The following RERE variants were observed in gnomAD, a reference collection of about 807,000 sequenced individuals.
The protein encoded by RERE is arginine-glutamic acid dipeptide repeats protein.
In RERE, 40 loss-of-function variants were observed where a neutral mutation model predicts 146.1. The ratio of observed to expected loss-of-function variants is 0.27; its 90% CI spans 0.21 to 0.36. The LOEUF (loss-of-function observed/expected upper bound fraction) is 0.36. RERE is among the 10% of genes least tolerant of loss of function. RERE has a pLI of 1.00. For synonymous variants in RERE, 1,003 were observed against 866.0 expected (o/e 1.16, Z -2.78); for missense variants, 1,933 against 2,138.7 (o/e 0.90, Z 1.90).
intron 11 of RERE, among the ~76,000 whole-genome samples, chr1:8,441,635 C>T (rs72866066): frequency 0.026 from 3,993 of 152,226 alleles, 184 homozygotes; most frequent in African/African-American, 0.092. Context: ...TCATATCTGA[C>T]GACAAATTAT....
chr1:8,590,840 C>T (rs1315173559), intron 4 of RERE: 1 of 152,240 alleles, frequency 6.6e-6, no homozygotes, highest in African/African-American at 2.4e-5. Flanking sequence ...CACGCTGATT[C>T]ACAGCTGCTG....
rs57463625 is a variant in RERE, at chr1:8,575,561, A to ATTT, written c.523-18041_523-18039dup. 4.8e-4 allele frequency among the ~76,000 whole-genome samples: 47 copies of ATTT among 98,648 alleles called. 1 individual carries two copies. The highest frequency in any genetic ancestry group is 1.1e-3 in the South Asian group (3 of 2,850). The allele number at this position is 98,648 out of a possible 152,430, so 64.7% of individuals were successfully genotyped here. Reference sequence around the variant, plus strand: ...TATATATATATATATATATATATATATTTTTTTTTTTTTTGGCAGAGACAG... The same window carrying ATTT: ...TATATATATATATATATATATATATATTTTTTTTTTTTTTTTTGGCAGAGACAG... On this transcript the variant is annotated intron_variant, in intron 4 of 22. Transcript: ENST00000400908.
At chr1:8,604,622 GAGGAAGGAAGGA>G (rs1178725565) in intron 4 of RERE, among the ~76,000 whole-genome samples, 48 of 46,506 alleles carry the variant, frequency 1.0e-3, no homozygotes, top group African/African-American at 2.5e-3. Context: ...GGGAGGGAGG[GAGGAAGGAAGGA>G]AGGAAGGAAG....
At chr1:8,697,254 CAG>C (rs1188919533) in intron 1 of RERE, among the ~76,000 whole-genome samples, 3 of 152,114 alleles carry the variant, frequency 2.0e-5, no homozygotes, top group African/African-American at 7.2e-5. Flanking sequence ...AAGAAGGTAA[CAG>C]TAAGAAATAA....
chr1:8,596,161 A>G (rs1430138928), intron 4 of RERE, among the ~76,000 whole-genome samples: 1 of 152,228 alleles, frequency 6.6e-6, no homozygotes, highest in Admixed American at 6.5e-5. Flanking sequence ...AACTGAAAAA[A>G]CTATCTGGCC....
chr1:8,786,747 C>A, intron 1 of RERE: 6 of 778,700 alleles, frequency 7.7e-6, no homozygotes, highest in South Asian at 5.3e-5. Flanking sequence ...CAGTTCTGTA[C>A]ATCTGCCTAT....
chr1:8,651,691 C>A (rs1334551353), intron 2 of RERE, among the ~76,000 whole-genome samples: 49 of 149,450 alleles, frequency 3.3e-4, no homozygotes, highest in African/African-American at 1.2e-3. Context: ...ATACCACTGA[C>A]AGCCTGGATG....
intron 11 of RERE, among the ~76,000 whole-genome samples, chr1:8,436,945 C>T (rs946195469): frequency 6.6e-6 from 1 of 152,140 alleles, no homozygotes. Flanking sequence ...TAGAATAATC[C>T]TAACTTCTTT....
chr1:8,440,433 TACAA>T (rs1346865186), intron 11 of RERE, among the ~76,000 whole-genome samples: 1 of 148,382 alleles, frequency 6.7e-6, no homozygotes, highest in African/African-American at 2.5e-5. Context: ...CTACTAAAAA[TACAA>T]ACAATTAGCT....
intron 1 of RERE, among the ~76,000 whole-genome samples, chr1:8,692,648 C>T (rs1048254271): frequency 6.6e-6 from 1 of 152,062 alleles, no homozygotes; most frequent in Non-Finnish European, 1.5e-5. Flanking sequence ...CGTATTCGGC[C>T]CGGTATACTT....
chr1:8,467,487 A>G (rs2124132515), intron 10 of RERE, among the ~76,000 whole-genome samples: 1 of 152,334 alleles, frequency 6.6e-6, no homozygotes, highest in East Asian at 1.9e-4. Flanking sequence ...CCTTCCTGGC[A>G]ACTGCTGGAG....
chr1:8,384,757 T>A (rs1298903914), intron 12 of RERE, among the ~76,000 whole-genome samples: 1 of 152,218 alleles, frequency 6.6e-6, no homozygotes, highest in Non-Finnish European at 1.5e-5. Context: ...AGGCTACTAA[T>A]AAAGAGGTTG....
At chr1:8,600,456 A>T (rs1457453268) in intron 4 of RERE, among the ~76,000 whole-genome samples, 2 of 152,232 alleles carry the variant, frequency 1.3e-5, no homozygotes, top group Admixed American at 1.3e-4. Context: ...GTATCTTAAG[A>T]GCAGATTGAA....
intron 11 of RERE, among the ~76,000 whole-genome samples, chr1:8,443,230 C>T (rs755201647): frequency 5.3e-5 from 8 of 151,886 alleles, no homozygotes; most frequent in African/African-American, 7.3e-5. Context: ...TGAGAGGCCG[C>T]GGCGGGTGGA....
intron 1 of RERE, among the ~76,000 whole-genome samples, chr1:8,677,166 C>T (rs1638858276): frequency 6.6e-6 from 1 of 152,062 alleles, no homozygotes; most frequent in South Asian, 2.1e-4. Flanking sequence ...ATGGTGGCTC[C>T]CATCTGTAAT....
chr1:8,364,689 G>T lies in RERE; in HGVS notation c.1540+57C>A, dbSNP rs902668398. 5 of 1,268,536 alleles carry T rather than the reference G, an allele frequency of 3.9e-6. No homozygotes were observed. Among genetic ancestry groups the T allele is most frequent in the Non-Finnish European group, 3.5e-6 (3 of 866,958 alleles). The allele number at this position is 1,268,536 out of a possible 1,614,324, so 78.6% of individuals were successfully genotyped here. Reference sequence around the variant, plus strand: ...TCCAGCTGGATGCATGAAATGTTCAGAACATGGAAGTGCTTGTGCCCCCGC... The same window carrying T: ...TCCAGCTGGATGCATGAAATGTTCATAACATGGAAGTGCTTGTGCCCCCGC... On this transcript the variant is annotated intron_variant, in intron 14 of 22. Transcript: ENST00000400908. The surrounding 1 kb of genome is among the most constrained non-coding windows in gnomAD (Gnocchi z 5.1).
At chr1:8,386,002 A>T (rs1642647216) in intron 12 of RERE, among the ~76,000 whole-genome samples, 1 of 32,378 alleles carries the variant, frequency 3.1e-5, no homozygotes, top group Non-Finnish European at 5.8e-5. Context: ...AAATATATAT[A>T]TATATATATA....
At chr1:8,580,690 T>C (rs921553807) in intron 4 of RERE, among the ~76,000 whole-genome samples, 5 of 151,966 alleles carry the variant, frequency 3.3e-5, no homozygotes, top group Non-Finnish European at 5.9e-5. Flanking sequence ...ACCCTACCCA[T>C]AGAAAACCTC....
chr1:8,649,822 G>T (rs79777413), intron 2 of RERE, among the ~76,000 whole-genome samples: 1 of 151,998 alleles, frequency 6.6e-6, no homozygotes. Flanking sequence ...ATGAGTGGGG[G>T]AAAATAAGAA....
Sources: allele counts gnomAD v4.1 joint callset (sites outside exome capture counted in the v4.1 genomes callset), GRCh38; gene constraint gnomAD v4.1.1; non-coding constraint Gnocchi (gnomAD v3.1); transcripts MANE v1.5; gene names NCBI Gene and HGNC (gene_info 2026-07-23, HGNC 2026-07-21).